MAGI1: variants seen among roughly 807,000 people sequenced by gnomAD.
MAGI1 encodes the protein membrane-associated guanylate kinase, WW and PDZ domain-containing protein 1.
In MAGI1, 58 loss-of-function variants were observed where a neutral mutation model predicts 139.9. The ratio of observed to expected loss-of-function variants is 0.41; its 90% confidence interval spans 0.34 to 0.52. MAGI1 has a LOEUF of 0.52. MAGI1 is among the 20% of genes least tolerant of loss of function. MAGI1 has a pLI of 0.12. For missense variants in MAGI1, 1,874 were observed against 1,901.6 expected, an observed-to-expected ratio of 0.99 and a Z score of 0.27; for synonymous variants, 812 against 737.9, an observed-to-expected ratio of 1.10 and a Z score of -1.63.
chr3:65,936,896 T>C (rs2106793335), intron 1 of MAGI1, among the ~76,000 whole-genome samples: 1 of 151,502 alleles, frequency 6.6e-6, no homozygotes, highest in African/African-American at 2.4e-5. Context: ...TGAGCTCAGG[T>C]TCAAAGTTGT....
intron 1 of MAGI1, among the ~76,000 whole-genome samples, chr3:65,955,514 C>G (rs964413274): frequency 1.3e-5 from 2 of 152,058 alleles, no homozygotes; most frequent in Non-Finnish European, 2.9e-5. Context: ...GGGAACCCAC[C>G]TGAAATGAAG....
intron 1 of MAGI1, among the ~76,000 whole-genome samples, chr3:65,900,767 A>T (rs1027541883): frequency 6.6e-6 from 1 of 152,222 alleles, no homozygotes; most frequent in African/African-American, 2.4e-5. Context: ...ATAGAACGCC[A>T]TTACGCTGGC....
intron 1 of MAGI1, among the ~76,000 whole-genome samples, chr3:65,761,563 T>C (rs995733934): frequency 6.6e-6 from 1 of 152,184 alleles, no homozygotes. Context: ...TCTTTTCTAG[T>C]GGCAAACGCA....
chr3:65,642,154 C>T (rs1187851165), intron 1 of MAGI1, among the ~76,000 whole-genome samples: 1 of 152,108 alleles, frequency 6.6e-6, no homozygotes, highest in Non-Finnish European at 1.5e-5. Flanking sequence ...CAAAATTAAA[C>T]ACAACTCAAC....
At chr3:65,979,770 A>G (rs1460169671) in intron 1 of MAGI1, among the ~76,000 whole-genome samples, 1 of 152,282 alleles carries the variant, frequency 6.6e-6, no homozygotes, top group Middle Eastern at 3.4e-3. Flanking sequence ...GGACATGCCA[A>G]TTACTCCAGT....
chr3:65,616,197 A>G (rs1412597038), intron 2 of MAGI1, among the ~76,000 whole-genome samples: 1 of 114,712 alleles, frequency 8.7e-6, no homozygotes, highest in African/African-American at 3.8e-5. Flanking sequence ...ATGCATAGCA[A>G]ATACGTTTCA....
At chr3:65,796,116 G>T (rs963761848) in intron 1 of MAGI1, among the ~76,000 whole-genome samples, 1 of 151,952 alleles carries the variant, frequency 6.6e-6, no homozygotes, top group African/African-American at 2.4e-5. Flanking sequence ...GCGGAGGATG[G>T]CGAGTCCAAA....
chr3:65,640,223 T>C (rs1373924166), intron 1 of MAGI1, among the ~76,000 whole-genome samples: 1 of 152,082 alleles, frequency 6.6e-6, no homozygotes, highest in Admixed American at 6.6e-5. Context: ...CTTCTCTCTA[T>C]ATATACATCC....
At chr3:65,480,937 T>C (rs1486764381) in intron 3 of MAGI1, among the ~76,000 whole-genome samples, 4 of 152,188 alleles carry the variant, frequency 2.6e-5, no homozygotes, top group African/African-American at 7.2e-5. Flanking sequence ...TTTAAAATGT[T>C]TTTTGAATCA....
chr3:65,804,879 G>A (rs1026166940), intron 1 of MAGI1, among the ~76,000 whole-genome samples: 1 of 152,122 alleles, frequency 6.6e-6, no homozygotes, highest in Non-Finnish European at 1.5e-5. Context: ...GAACTGGCTA[G>A]CCATATGCAG....
chr3:66,025,258 G>C (rs1233125403), intron 1 of MAGI1, among the ~76,000 whole-genome samples: 1 of 152,146 alleles, frequency 6.6e-6, no homozygotes, highest in Non-Finnish European at 1.5e-5. Context: ...TCCATGATTG[G>C]CCAGGCACAG....
intron 1 of MAGI1, among the ~76,000 whole-genome samples, chr3:65,663,274 T>C (rs570162871): frequency 1.3e-5 from 2 of 152,222 alleles, no homozygotes; most frequent in African/African-American, 4.8e-5. Context: ...AGGATATTTA[T>C]GTATATTTAG....
chr3:66,016,518 G>A (rs535984198), intron 1 of MAGI1, among the ~76,000 whole-genome samples: 25 of 152,288 alleles, frequency 1.6e-4, no homozygotes, highest in Non-Finnish European at 2.6e-4. Flanking sequence ...GCAAAGAAGC[G>A]ACGAGGACAC....
At chr3:65,670,151 T>C (rs2086766389) in intron 1 of MAGI1, among the ~76,000 whole-genome samples, 1 of 152,186 alleles carries the variant, frequency 6.6e-6, no homozygotes, top group African/African-American at 2.4e-5. Flanking sequence ...CTCATCATTC[T>C]TAGTACCTGA....
At chr3:65,703,233 T>A (rs1322666941) in intron 1 of MAGI1, among the ~76,000 whole-genome samples, 1 of 152,210 alleles carries the variant, frequency 6.6e-6, no homozygotes, top group Admixed American at 6.5e-5. Context: ...ACTGCTCCAA[T>A]GCCCAGTGAG....
At chr3:65,580,297 G>A (rs1414002680) in intron 2 of MAGI1, among the ~76,000 whole-genome samples, 1 of 146,434 alleles carries the variant, frequency 6.8e-6, no homozygotes, top group African/African-American at 2.5e-5. Flanking sequence ...ATCCCATTTG[G>A]TTTGTCTTTT....
intron 1 of MAGI1, among the ~76,000 whole-genome samples, chr3:65,801,127 C>G (rs1411272095): frequency 6.6e-6 from 1 of 152,178 alleles, no homozygotes; most frequent in Non-Finnish European, 1.5e-5. Context: ...AGGTAAAACT[C>G]TTCTTGGGCA....
At chr3:65,667,844 A>G (rs1576657298) in intron 1 of MAGI1, among the ~76,000 whole-genome samples, 2 of 152,160 alleles carry the variant, frequency 1.3e-5, no homozygotes, top group African/African-American at 4.8e-5. Flanking sequence ...GATTACAGGC[A>G]TGACCCACCG....
At chr3:65,726,956 C>CAAAAAAA (rs539578446) in intron 1 of MAGI1, among the ~76,000 whole-genome samples, 3 of 102,190 alleles carry the variant, frequency 2.9e-5, no homozygotes, top group Non-Finnish European at 6.5e-5. Context: ...CTCCAAAATC[C>CAAAAAAA]AAAAAAAAAA....
Sources: allele counts gnomAD v4.1 joint callset (sites outside exome capture counted in the v4.1 genomes callset), GRCh38; gene constraint gnomAD v4.1.1; transcripts MANE v1.5; gene names NCBI Gene and HGNC (gene_info 2026-07-23, HGNC 2026-07-21).